Variants in ADCY1 observed in about 807,000 individuals in gnomAD.
ADCY1 encodes adenylate cyclase type 1.
Under a neutral mutation model 105.4 loss-of-function variants are expected in ADCY1, and 28 were observed. That is an observed-to-expected ratio of 0.27 (90% CI 0.20 to 0.36). The LOEUF (loss-of-function observed/expected upper bound fraction) is 0.36, where lower values mean the gene tolerates loss of function less well. Ranked by LOEUF, ADCY1 falls within the 10% of genes least tolerant of loss-of-function variation. The pLI is 1.00. For synonymous variants in ADCY1, 655 were observed against 623.8 expected (o/e 1.05, Z -0.75); for missense variants, 977 against 1,434.2 (o/e 0.68, Z 5.15).
chr7:45,701,961 G>A (rs142099793), intron 14 of ADCY1, among the ~76,000 whole-genome samples: 4 of 152,258 alleles, frequency 2.6e-5, no homozygotes, highest in African/African-American at 9.6e-5. Context: ...ACCTGGCGCC[G>A]TCTATCTCCA....
At position 45,673,997 on chromosome 7, in the gene ADCY1, A is replaced by G. The variant is rs546103593; in HGVS notation, c.1606-3872A>G. On this transcript the variant is annotated intron_variant, in intron 8 of 19. Transcript: ENST00000297323. ...TATATATATATATATATATATATATATATATATATATGTTTTTGTTGTTTT... is the reference window on the plus strand; with the variant it reads ...TATATATATATATATATATATATATGTATATATATATGTTTTTGTTGTTTT... Among the ~76,000 whole-genome samples, 158 of 21,414 alleles carry G rather than the reference A, an allele frequency of 7.4e-3. 1 individual carries two copies. Among genetic ancestry groups the G allele is most frequent in the African/African-American group, 0.012 (144 of 12,260 alleles). The allele number at this position is 21,414 out of a possible 152,430, so 14.0% of individuals were successfully genotyped here. A position where few individuals can be genotyped will look rare whatever the true frequency, so the allele number is the denominator to read the frequency against.
intron 4 of ADCY1, among the ~76,000 whole-genome samples, chr7:45,645,258 A>G (rs1195946849): frequency 6.6e-6 from 1 of 152,048 alleles, no homozygotes; most frequent in Non-Finnish European, 1.5e-5. Flanking sequence ...TGACGGTCAC[A>G]CTTGAGGCTC....
chr7:45,606,056 C>T (rs1183348735), intron 2 of ADCY1, among the ~76,000 whole-genome samples: 1 of 152,172 alleles, frequency 6.6e-6, no homozygotes, highest in African/African-American at 2.4e-5. Flanking sequence ...CCTCTGTTGA[C>T]ACCATGTGGG....
Position 45,710,519 on chromosome 7 carries a change from G to C in ADCY1, c.2933-9G>C. ...GCTGATGACAGGTCATGCGCTGGCT[G>C]TTTTCTAGGCATCAATGTTGGCCCT... On this transcript the variant is annotated splice_polypyrimidine_tract_variant and intron_variant, in intron 18 of 19. Transcript: ENST00000297323. This position sits in a 1 kb window ranked among gnomAD's most constrained non-coding sequence, Gnocchi z 4.7. 6.2e-7 allele frequency: 1 copy of C among 1,613,462 alleles called. No individual in the cohort carries two copies. The highest frequency in any genetic ancestry group is 8.5e-7 in the Non-Finnish European group (1 of 1,179,708).
chr7:45,623,637 C>T (rs1274503089), intron 4 of ADCY1, among the ~76,000 whole-genome samples: 1 of 152,238 alleles, frequency 6.6e-6, no homozygotes, highest in African/African-American at 2.4e-5. Context: ...ACTCATCAGC[C>T]ATCAGATTGA....
Position 45,686,199 on chromosome 7 carries a change from G to A in ADCY1, c.2311G>A (p.Gly771Arg), listed in dbSNP as rs200275390. The change falls in exon 13 of 20, where the codon GGA (glycine) becomes AGA (arginine). Residue 771 changes from glycine to arginine, a missense_variant. Transcript: ENST00000297323. The surrounding 1 kb of genome is among the most constrained non-coding windows in gnomAD (Gnocchi z 4.3). ...CTACATCCTCGTTCTGGAGCTCAGC[G>A]GATACACCAGGACTGGGTAAGTGTG... The part of the protein sequence containing the change: ...TSYILVLELS[G>R]YTRTGGGAVS... The A allele has an allele frequency of 5.6e-6, 9 of 1,613,800 alleles. No homozygotes were observed. In the East Asian group the frequency reaches 8.9e-5, roughly 16 times the overall value.
At chr7:45,589,286 C>T (rs1036584513) in intron 1 of ADCY1, among the ~76,000 whole-genome samples, 1 of 152,146 alleles carries the variant, frequency 6.6e-6, no homozygotes, top group Non-Finnish European at 1.5e-5. Flanking sequence ...CTCTGGGCCA[C>T]CTTGTGGTCA....
At chr7:45,679,577 T>C in intron 10 of ADCY1, 132 bp from the exon 11 acceptor site, 1 of 838,258 alleles carries the variant, frequency 1.2e-6, no homozygotes, top group South Asian at 1.6e-5. Context: ...GTGGCAGGCA[T>C]CCAGGTTAAC....
Position 45,574,523 on chromosome 7 carries a change from C to T in ADCY1, c.-21C>T. On this transcript the variant is annotated 5_prime_UTR_variant, in exon 1 of 20. Transcript: ENST00000297323. This position sits in a 1 kb window ranked among gnomAD's most constrained non-coding sequence, Gnocchi z 7.0. ...CCGGCGAGGGGCGCGCCCGCGGCCG[C>T]GGCCGCTGCATGGCGCTGAGATGGC... is the stretch of plus-strand genomic sequence containing the variant. The T allele has an allele frequency of 1.0e-6, 1 of 975,884 alleles. No individual in the cohort carries two copies. The highest frequency in any genetic ancestry group is 1.2e-6 in the Non-Finnish European group (1 of 826,076). 60.5% of individuals were successfully genotyped at this position (975,884 alleles called of 1,614,324 possible).
At position 45,663,363 on chromosome 7, in the gene ADCY1, A is replaced by G. The variant is rs80204438; in HGVS notation, c.1605+1149A>G. Among the ~76,000 whole-genome samples the G allele has an allele frequency of 1.3e-3, 203 of 152,288 alleles. 4 individuals are homozygous for G. In the East Asian group the frequency reaches 0.035, roughly 26 times the overall value. ...CCAGAGTTCAGGGGAATGTCTTACAAAGGCTCTTGGACAGACTGGGACCAC... is the reference window on the plus strand; with the variant it reads ...CCAGAGTTCAGGGGAATGTCTTACAGAGGCTCTTGGACAGACTGGGACCAC... On this transcript the variant is annotated intron_variant, in intron 8 of 19. Transcript: ENST00000297323.
At position 45,721,429 on chromosome 7, in the gene ADCY1, A is replaced by G; in HGVS notation, c.*7434A>G. 2.7e-6 allele frequency: 1 copy of G among 374,776 alleles called. No individual in the cohort carries two copies. The highest frequency in any genetic ancestry group is 4.7e-6 in the Non-Finnish European group (1 of 211,664). The allele number at this position is 374,776 out of a possible 1,614,324, so 23.2% of individuals were successfully genotyped here. On this transcript the variant is annotated 3_prime_UTR_variant, in exon 20 of 20. Coordinates refer to ENST00000297323, the MANE Select transcript of ADCY1 (RefSeq NM_021116.4). ...CCTGTCATTGCGTCTAATTTCAAATATACAGAATCTCCTTAAGAGCTGTTG... is the reference window on the plus strand; with the variant it reads ...CCTGTCATTGCGTCTAATTTCAAATGTACAGAATCTCCTTAAGAGCTGTTG...
intron 1 of ADCY1, among the ~76,000 whole-genome samples, chr7:45,578,132 C>G (rs1432947014): frequency 6.6e-6 from 1 of 152,172 alleles, no homozygotes; most frequent in Non-Finnish European, 1.5e-5. Context: ...CCCCAGGACT[C>G]TGGGGGGCAG....
At chr7:45,657,990 G>A in intron 6 of ADCY1, 105 bp downstream of exon 6, 3 of 1,292,966 alleles carry the variant, frequency 2.3e-6, no homozygotes, top group Non-Finnish European at 3.2e-6. Context: ...GAGGGCACTT[G>A]TGTGAGTGCT....
intron 2 of ADCY1, among the ~76,000 whole-genome samples, chr7:45,606,913 A>G (rs996072248): frequency 9.9e-5 from 15 of 152,014 alleles, no homozygotes; most frequent in African/African-American, 2.7e-4. Context: ...TGTTCTTGAC[A>G]CTAATGTTTA....
chr7:45,697,746 C>G (rs1332942575), intron 14 of ADCY1, among the ~76,000 whole-genome samples: 2 of 152,212 alleles, frequency 1.3e-5, no homozygotes, highest in Non-Finnish European at 2.9e-5. Context: ...ACACTGGACA[C>G]AGCCCTGCCT....
chr7:45,688,938 G>T (rs60822499), intron 14 of ADCY1, among the ~76,000 whole-genome samples: 1 of 151,248 alleles, frequency 6.6e-6, no homozygotes, highest in Non-Finnish European at 1.5e-5. Flanking sequence ...CAGTCTACCC[G>T]CTGTCTGTAG....
At position 45,657,896 on chromosome 7, in the gene ADCY1, G is replaced by T; in HGVS notation, c.1307+11G>T. 1 of 622,740 alleles carries T rather than the reference G, an allele frequency of 1.6e-6. No individual in the cohort carries two copies. The highest frequency in any genetic ancestry group is 2.9e-6 in the Non-Finnish European group (1 of 349,522). 38.6% of individuals were successfully genotyped at this position (622,740 alleles called of 1,614,324 possible). On this transcript the variant is annotated intron_variant, in intron 6 of 19. Transcript: ENST00000297323. ...CGCTGGCCTGCCAGGGTAAGTCGGG[G>T]ATGGGGTGGGGAGGGGAGGGAGGTG...
At chr7:45,582,867 T>C (rs918713975) in intron 1 of ADCY1, among the ~76,000 whole-genome samples, 3 of 152,134 alleles carry the variant, frequency 2.0e-5, no homozygotes, top group Non-Finnish European at 4.4e-5. Flanking sequence ...GCAAGGAGAA[T>C]AGGAGCCCAC....
intron 8 of ADCY1, 143 bp downstream of exon 8, chr7:45,662,357 C>G: frequency 1.1e-6 from 1 of 934,736 alleles, no homozygotes; most frequent in South Asian, 1.8e-5. Flanking sequence ...CTGCTCAGAG[C>G]TGAGCTACTT....
Sources: allele counts gnomAD v4.1 joint callset (sites outside exome capture counted in the v4.1 genomes callset), GRCh38; gene constraint gnomAD v4.1.1; non-coding constraint Gnocchi (gnomAD v3.1); transcripts MANE v1.5; gene names NCBI Gene and HGNC (gene_info 2026-07-23, HGNC 2026-07-21).